ENOX2: variants seen among roughly 807,000 people sequenced by gnomAD.
ENOX2 encodes the protein APK1 antigen.
Under a neutral mutation model 45.0 loss-of-function variants are expected in ENOX2, and 36 were observed. The observed-to-expected ratio is 0.80, with a 90% confidence interval of 0.61 to 1.06. The LOEUF (loss-of-function observed/expected upper bound fraction) is 1.06. Among genes scored for constraint, ENOX2 ranks in the 50% least tolerant of loss-of-function variants. ENOX2 has a pLI of 0.00. For missense variants in ENOX2, 423 were observed against 462.5 expected (o/e 0.91, Z 0.78); for synonymous variants, 174 against 152.3 (o/e 1.14, Z -1.05).
chrX:130,639,806 A>ATGGGGAAAT (rs2036030726), intron 10 of ENOX2, among the ~76,000 whole-genome samples: 2 of 112,408 alleles, frequency 1.8e-5, no homozygotes, highest in African/African-American at 6.5e-5. Context: ...AATGCCTTTG[A>ATGGGGAAAT]TGGGGAAATT....
At chrX:130,856,356 G>A (rs1170421562) in intron 2 of ENOX2, among the ~76,000 whole-genome samples, 1 of 112,047 alleles carries the variant, frequency 8.9e-6, no homozygotes, top group Non-Finnish European at 1.9e-5. Context: ...TTTGAAGATT[G>A]AGCTACAGTA....
intron 10 of ENOX2, among the ~76,000 whole-genome samples, chrX:130,649,333 T>C (rs5975214): frequency 0.056 from 5,986 of 107,375 alleles, 401 homozygotes; most frequent in African/African-American, 0.19. Flanking sequence ...AAAAAAAAAA[T>C]CCACATTAGC....
chrX:130,889,458 A>AAT (rs1215828294), intron 2 of ENOX2, among the ~76,000 whole-genome samples: 1 of 111,707 alleles, frequency 9.0e-6, no homozygotes. Flanking sequence ...ATGCCAGTAA[A>AAT]ATATATATCC....
chrX:130,901,902 C>T (rs1160257505), intron 1 of ENOX2, among the ~76,000 whole-genome samples, 171 bp from the exon 2 acceptor site: 1 of 112,056 alleles, frequency 8.9e-6, no homozygotes, highest in African/African-American at 3.3e-5. Context: ...TTATTCCAAT[C>T]AGGCAAGCCC....
At chrX:130,688,747 G>A (rs926123819) in intron 5 of ENOX2, 116 bp downstream of exon 5, 24 of 618,171 alleles carry the variant, frequency 3.9e-5, no homozygotes, top group Non-Finnish European at 5.3e-5. Context: ...CTGTTCTCTA[G>A]GTGAAGCTTT....
At chrX:130,856,210 G>A (rs1236361625) in intron 2 of ENOX2, among the ~76,000 whole-genome samples, 1 of 112,519 alleles carries the variant, frequency 8.9e-6, no homozygotes, top group African/African-American at 3.2e-5. Flanking sequence ...ATTACACGTA[G>A]CACCATTTTT....
chrX:130,811,649 T>C (rs2077391418), intron 2 of ENOX2, among the ~76,000 whole-genome samples: 1 of 112,128 alleles, frequency 8.9e-6, no homozygotes, highest in African/African-American at 3.2e-5. Flanking sequence ...TCCAAAAATA[T>C]CAATAATGAT....
intron 3 of ENOX2, among the ~76,000 whole-genome samples, chrX:130,739,717 T>C (rs1468211947): frequency 8.9e-6 from 1 of 112,276 alleles, no homozygotes; most frequent in Non-Finnish European, 1.9e-5. Flanking sequence ...TTAATGTTTG[T>C]CCCAGGTCAT....
chrX:130,648,554 G>C (rs142427129), intron 10 of ENOX2, among the ~76,000 whole-genome samples: 112 of 112,001 alleles, frequency 1.0e-3, no homozygotes, highest in African/African-American at 3.3e-3. Flanking sequence ...TGAATGGAAA[G>C]AACTTGTGCA....
At chrX:130,746,435 T>C (rs1488766684) in intron 3 of ENOX2, among the ~76,000 whole-genome samples, 1 of 112,053 alleles carries the variant, frequency 8.9e-6, no homozygotes, top group Non-Finnish European at 1.9e-5. Flanking sequence ...CCTTCTCTTA[T>C]ACTTTAGTTA....
In ENOX2 at chrX:130,624,476, T is replaced by G. The variant is rs751029116; in HGVS notation, c.*838A>C. 4.3e-4 allele frequency: 48 copies of G among 112,697 alleles called. No homozygotes were observed. Among genetic ancestry groups the G allele is most frequent in the African/African-American group, 1.4e-3 (43 of 30,993 alleles). The allele number at this position is 112,697 out of a possible 1,213,427, so 9.3% of individuals were successfully genotyped here. ...AAAGAATATTAATATAAATCCCTTCTGCCACTGTGTGCGTGCGTGTGTGTG... is the reference window on the plus strand; with the variant it reads ...AAAGAATATTAATATAAATCCCTTCGGCCACTGTGTGCGTGCGTGTGTGTG... On this transcript the variant is annotated 3_prime_UTR_variant, in exon 15 of 15. Coordinates refer to ENST00000394363, the MANE Select transcript of ENOX2 (RefSeq NM_006375.4).
intron 7 of ENOX2, 113 bp from the exon 8 acceptor site, chrX:130,667,855 G>T: frequency 3.8e-6 from 2 of 527,513 alleles, no homozygotes; most frequent in South Asian, 6.3e-5. Context: ...TAAATGAATT[G>T]CTGAGGATGA....
intron 3 of ENOX2, among the ~76,000 whole-genome samples, chrX:130,781,331 T>C (rs1476617644): frequency 8.9e-6 from 1 of 111,989 alleles, no homozygotes; most frequent in Non-Finnish European, 1.9e-5. Context: ...ATTTCACTTA[T>C]TTTAAAGAAC....
In ENOX2 at chrX:130,625,288, G is replaced by T. The variant is rs765314117; in HGVS notation, c.*26C>A. ...TTGTCCAACACATATTTATCTTCAG[G>T]ATCCCAAGTTGTTAGGCAAAGAGAT... On this transcript the variant is annotated 3_prime_UTR_variant, in exon 15 of 15. Transcript: ENST00000394363. 8.3e-7 allele frequency: 1 copy of T among 1,199,344 alleles called. No homozygotes were observed. Among genetic ancestry groups the T allele is most frequent in the Non-Finnish European group, 1.1e-6 (1 of 888,476 alleles).
intron 3 of ENOX2, among the ~76,000 whole-genome samples, chrX:130,718,586 G>A (rs1329029422): frequency 2.7e-5 from 3 of 112,314 alleles, no homozygotes; most frequent in African/African-American, 6.5e-5. Context: ...AAACGATGTT[G>A]CTGTTCTGCT....
rs2076919679 is a variant in ENOX2 at position 130,783,100 on chromosome X, G to A, written c.-39+447C>T. On this transcript the variant is annotated intron_variant, in intron 3 of 14. Transcript: ENST00000394363. ...TGTATTAGAAGTAAAAGTGAGGATGGCCTGCCACATGTACATACAAAGACA... is the reference window on the plus strand; with the variant it reads ...TGTATTAGAAGTAAAAGTGAGGATGACCTGCCACATGTACATACAAAGACA... Among the ~76,000 whole-genome samples, 3 of 111,706 alleles carry A rather than the reference G, an allele frequency of 2.7e-5. No individual in the cohort carries two copies. The Admixed American group carries it at 2.8e-4, about 11-fold the overall frequency.
At chrX:130,728,245 T>C (rs2038653992) in intron 3 of ENOX2, among the ~76,000 whole-genome samples, 1 of 111,152 alleles carries the variant, frequency 9.0e-6, no homozygotes, top group South Asian at 3.9e-4. Context: ...GCAGCTCTGG[T>C]AGTATAATCA....
intron 2 of ENOX2, among the ~76,000 whole-genome samples, chrX:130,882,574 A>G (rs1459845047): frequency 8.9e-6 from 1 of 111,863 alleles, no homozygotes; most frequent in African/African-American, 3.3e-5. Context: ...AGATTATGAA[A>G]GAGACCTTAA....
At chrX:130,712,325 G>A (rs1006291952) in intron 3 of ENOX2, among the ~76,000 whole-genome samples, 2 of 111,745 alleles carry the variant, frequency 1.8e-5, no homozygotes, top group Non-Finnish European at 3.8e-5. Context: ...CTATCAGGTA[G>A]TTGTCACACT....
Sources: gnomAD v4.1 joint callset for allele counts (sites outside exome capture counted in the v4.1 genomes callset) on GRCh38, gnomAD v4.1.1 for gene constraint, MANE v1.5 for transcripts, NCBI Gene and HGNC (gene_info 2026-07-23, HGNC 2026-07-21) for gene names.